The following GPHN variants were observed in gnomAD, a reference collection of about 807,000 sequenced individuals.
GPHN encodes the protein gephyrin.
Under a neutral mutation model 95.5 loss-of-function variants are expected in GPHN, and 17 were observed. The observed-to-expected ratio is 0.18, with a 90% CI of 0.12 to 0.27. The LOEUF (loss-of-function observed/expected upper bound fraction) is 0.27, where lower values mean the gene tolerates loss of function less well. Ranked by LOEUF, GPHN falls within the 10% of genes least tolerant of loss-of-function variation. The probability of loss-of-function intolerance (pLI) is 1.00; values close to 1 mark genes in which losing one functional copy is unlikely to be tolerated. For synonymous variants in GPHN, 320 were observed against 322.5 expected (o/e 0.99, Z 0.08); for missense variants, 660 against 978.1 (o/e 0.67, Z 4.34).
chr14:67,731,202 T>C, the GPHN span, among the ~76,000 whole-genome samples: 8 of 141,450 alleles, frequency 5.7e-5, no homozygotes, highest in South Asian at 1.8e-3. Context: ...CATATTTCTT[T>C]CTTTCTTTTT....
intron 16 of GPHN, among the ~76,000 whole-genome samples, chr14:67,113,669 T>C (rs888323486): frequency 6.6e-6 from 1 of 152,120 alleles, no homozygotes; most frequent in South Asian, 2.1e-4. Context: ...GTTTTTTTTT[T>C]CCTCTCTCTC....
intron 10 of GPHN, among the ~76,000 whole-genome samples, chr14:67,029,975 T>C (rs1372018653): frequency 2.1e-5 from 3 of 145,130 alleles, no homozygotes; most frequent in Non-Finnish European, 4.4e-5. Context: ...TTTCTCCAGC[T>C]TCTTTGGTAG....
At chr14:66,968,849 T>C (rs1158565626) in intron 9 of GPHN, among the ~76,000 whole-genome samples, 1 of 152,112 alleles carries the variant, frequency 6.6e-6, no homozygotes, top group African/African-American at 2.4e-5. Context: ...GCATAATAAA[T>C]TCTAGAATTG....
the GPHN span, among the ~76,000 whole-genome samples, chr14:67,205,609 T>G: frequency 2.0e-5 from 3 of 151,476 alleles, no homozygotes; most frequent in African/African-American, 7.3e-5. Flanking sequence ...GGCCAGAGAG[T>G]GGAAAAACAG....
At chr14:67,452,291 C>T in the GPHN span, among the ~76,000 whole-genome samples, 3 of 149,604 alleles carry the variant, frequency 2.0e-5, no homozygotes, top group South Asian at 6.3e-4. Context: ...CCACTGCACT[C>T]CAGCCTGCTG....
the GPHN span, among the ~76,000 whole-genome samples, chr14:67,297,731 A>G: frequency 6.6e-6 from 1 of 152,208 alleles, no homozygotes; most frequent in Non-Finnish European, 1.5e-5. Flanking sequence ...TAATAAAGGT[A>G]AAGGAGACAT....
At chr14:67,373,583 C>T in the GPHN span, among the ~76,000 whole-genome samples, 1 of 152,210 alleles carries the variant, frequency 6.6e-6, no homozygotes, top group South Asian at 2.1e-4. Context: ...ACCACTGTTA[C>T]TCAGCATTGT....
At chr14:66,735,421 G>GGATATGATTCAAAGGTTTAA (rs1484150784) in intron 2 of GPHN, among the ~76,000 whole-genome samples, 4 of 152,104 alleles carry the variant, frequency 2.6e-5, no homozygotes, top group Admixed American at 2.6e-4. Flanking sequence ...CAAAGGTTTA[G>GGATATGATTCAAAGGTTTAA]GATATGTACA....
the GPHN span, among the ~76,000 whole-genome samples, chr14:67,240,239 G>C: frequency 2.0e-5 from 3 of 152,146 alleles, no homozygotes; most frequent in African/African-American, 7.2e-5. Flanking sequence ...CAGGAACAAC[G>C]GTTTGCTTCG....
At chr14:66,763,494 G>A (rs2058838935) in intron 2 of GPHN, among the ~76,000 whole-genome samples, 1 of 146,996 alleles carries the variant, frequency 6.8e-6, no homozygotes, top group Non-Finnish European at 1.5e-5. Flanking sequence ...GGCGGTGTTT[G>A]GTTTTTTGTT....
the GPHN span, chr14:67,715,116 C>G: frequency 1.3e-5 from 2 of 152,284 alleles, no homozygotes; most frequent in African/African-American, 2.4e-5. Flanking sequence ...GAAGTGCCAG[C>G]CTTCTCCACT....
intron 8 of GPHN, among the ~76,000 whole-genome samples, chr14:66,955,718 C>T (rs1361721009): frequency 6.6e-6 from 1 of 152,004 alleles, no homozygotes; most frequent in Non-Finnish European, 1.5e-5. Flanking sequence ...TCCCACCCCA[C>T]GACAGGCCAT....
intron 5 of GPHN, among the ~76,000 whole-genome samples, chr14:66,889,360 A>G (rs1379395054): frequency 6.6e-6 from 1 of 152,192 alleles, no homozygotes; most frequent in Non-Finnish European, 1.5e-5. Flanking sequence ...ATAAGTTTCA[A>G]TAGGTTTTTT....
chr14:67,342,607 C>T, the GPHN span, among the ~76,000 whole-genome samples: 1 of 146,880 alleles, frequency 6.8e-6, no homozygotes, highest in Non-Finnish European at 1.5e-5. Context: ...AGGCCTGGCA[C>T]TAGCAAGCAG....
chr14:67,317,308 TTAAAGAA>T, the GPHN span: 5 of 1,108,550 alleles, frequency 4.5e-6, no homozygotes, highest in African/African-American at 3.3e-5. Context: ...GCAAAAAAAT[TTAAAGAA>T]TAAATGAATG....
chr14:67,722,895 C>A, the GPHN span, among the ~76,000 whole-genome samples: 1 of 152,200 alleles, frequency 6.6e-6, no homozygotes, highest in Admixed American at 6.5e-5. Flanking sequence ...CATCTGCGGC[C>A]GGGCAGAGGT....
At chr14:66,821,315 T>C (rs1038217883) in intron 3 of GPHN, among the ~76,000 whole-genome samples, 4 of 152,242 alleles carry the variant, frequency 2.6e-5, no homozygotes, top group Non-Finnish European at 5.9e-5. Flanking sequence ...CAGTTTAATA[T>C]GTATACATAT....
At chr14:67,191,299 G>A in the GPHN span, among the ~76,000 whole-genome samples, 4 of 152,216 alleles carry the variant, frequency 2.6e-5, no homozygotes, top group Admixed American at 2.0e-4. Flanking sequence ...AATCCAGGTA[G>A]TTGGTTTCAC....
the GPHN span, chr14:67,692,671 A>G: frequency 1.3e-6 from 2 of 1,487,584 alleles, no homozygotes; most frequent in Non-Finnish European, 1.8e-6. Context: ...TATTTCCAAC[A>G]TTTTTTTAAA....
Sources: allele counts gnomAD v4.1 joint callset (sites outside exome capture counted in the v4.1 genomes callset), GRCh38; gene constraint gnomAD v4.1.1; transcripts MANE v1.5; gene names NCBI Gene and HGNC (gene_info 2026-07-23, HGNC 2026-07-21).